COBLL1: variants seen among roughly 807,000 people sequenced by gnomAD.
COBLL1 encodes the protein cordon-bleu WH2 repeat protein like 1.
In COBLL1, 50 loss-of-function variants were observed where a neutral mutation model predicts 94.8. That is an observed-to-expected ratio of 0.53 (90% CI 0.42 to 0.67). The LOEUF (loss-of-function observed/expected upper bound fraction) is 0.67, where lower values mean the gene tolerates loss of function less well. COBLL1 is among the 30% of genes least tolerant of loss of function. The pLI is 0.00. For synonymous variants in COBLL1, 448 were observed against 473.8 expected, an observed-to-expected ratio of 0.95 and a Z score of 0.71; for missense variants, 1,362 against 1,348.7, an observed-to-expected ratio of 1.01 and a Z score of -0.15.
chr2:164,817,579 A>C (rs1325868919), intron 2 of COBLL1, among the ~76,000 whole-genome samples: 1 of 152,124 alleles, frequency 6.6e-6, no homozygotes, highest in Non-Finnish European at 1.5e-5. Flanking sequence ...CATTTAGAAT[A>C]TCTCTTCCTT....
In COBLL1 at chr2:164,685,805, A is replaced by T; in HGVS notation, c.*141T>A. 2 of 416,062 alleles carry T rather than the reference A, an allele frequency of 4.8e-6. No individual in the cohort carries two copies. Among genetic ancestry groups the T allele is most frequent in the Non-Finnish European group, 8.7e-6 (2 of 231,074 alleles). 25.8% of individuals were successfully genotyped at this position (416,062 alleles called of 1,614,324 possible). Reference sequence around the variant, plus strand: ...AAATTCTGGTAACTTTTCTTCTGGCATTAAAAGCCACAACACAAATTCTAA... The same window carrying T: ...AAATTCTGGTAACTTTTCTTCTGGCTTTAAAAGCCACAACACAAATTCTAA... On this transcript the variant is annotated 3_prime_UTR_variant, in exon 14 of 14. Coordinates refer to ENST00000652658, the MANE Select transcript of COBLL1 (RefSeq NM_001365672.2).
intron 3 of COBLL1, 30 bp downstream of exon 3, chr2:164,743,657 G>C: frequency 6.5e-7 from 1 of 1,544,346 alleles, no homozygotes; most frequent in Non-Finnish European, 9.0e-7. Context: ...AAGAAGGGGA[G>C]GTCCTGATAT....
At chr2:164,818,280 A>G (rs1246271067) in intron 2 of COBLL1, among the ~76,000 whole-genome samples, 2 of 148,628 alleles carry the variant, frequency 1.3e-5, no homozygotes, top group African/African-American at 2.5e-5. Flanking sequence ...ATGTATGTAT[A>G]CATATATGTA....
At chr2:164,779,237 T>C (rs1433036115) in intron 2 of COBLL1, among the ~76,000 whole-genome samples, 1 of 152,110 alleles carries the variant, frequency 6.6e-6, no homozygotes, top group East Asian at 1.9e-4. Flanking sequence ...GATCCAAACA[T>C]GTAAATATTA....
At chr2:164,760,679 GA>G (rs1433565405) in intron 2 of COBLL1, among the ~76,000 whole-genome samples, 1 of 152,086 alleles carries the variant, frequency 6.6e-6, no homozygotes, top group Non-Finnish European at 1.5e-5. Flanking sequence ...AAAGCTAGAA[GA>G]AGGGCACAGA....
rs560408105 is a variant in COBLL1 at position 164,810,150 on chromosome 2, C to T, written c.41+31006G>A. ...TATAATCATATGATTTTTTCATTACCTATAATTCTAGTAAAAAGAAACATC... is the reference window on the plus strand; with the variant it reads ...TATAATCATATGATTTTTTCATTACTTATAATTCTAGTAAAAAGAAACATC... On this transcript the variant is annotated intron_variant, in intron 2 of 13. Transcript: ENST00000652658. 2.0e-5 allele frequency among the ~76,000 whole-genome samples: 3 copies of T among 151,648 alleles called. No individual in the cohort carries two copies. The South Asian group carries it at 6.2e-4, about 32-fold the overall frequency.
At chr2:164,830,274 T>C (rs184802831) in intron 2 of COBLL1, among the ~76,000 whole-genome samples, 2 of 152,330 alleles carry the variant, frequency 1.3e-5, no homozygotes, top group African/African-American at 4.8e-5. Context: ...CTACCTTACC[T>C]ACGCTTTACA....
At chr2:164,726,915 A>G (rs1379008055) in intron 5 of COBLL1, among the ~76,000 whole-genome samples, 2 of 152,124 alleles carry the variant, frequency 1.3e-5, no homozygotes, top group Non-Finnish European at 2.9e-5. Context: ...AAATTATTAT[A>G]ATTAAATTCA....
intron 13 of COBLL1, among the ~76,000 whole-genome samples, chr2:164,686,980 G>A (rs575332683): frequency 6.6e-6 from 1 of 152,286 alleles, no homozygotes; most frequent in Non-Finnish European, 1.5e-5. Context: ...TGGCTTCCTT[G>A]CGCTTCGCTT....
intron 2 of COBLL1, among the ~76,000 whole-genome samples, chr2:164,818,388 A>G (rs1228300473): frequency 6.7e-6 from 1 of 149,834 alleles, no homozygotes; most frequent in Non-Finnish European, 1.5e-5. Flanking sequence ...GTGTGCATGT[A>G]CATATACATG....
intron 2 of COBLL1, among the ~76,000 whole-genome samples, chr2:164,818,332 A>ATGTATACATATACACGTG (rs1356412039): frequency 6.8e-6 from 1 of 146,190 alleles, no homozygotes; most frequent in Admixed American, 6.8e-5. Flanking sequence ...ATGTATACAT[A>ATGTATACATATACACGTG]TATGTATATA....
At chr2:164,671,065 T>C (rs959998961) in intron 1 of COBLL1, among the ~76,000 whole-genome samples, 2 of 152,152 alleles carry the variant, frequency 1.3e-5, no homozygotes, top group Non-Finnish European at 2.9e-5. Flanking sequence ...ATAGAGATGA[T>C]AAAACAGCAG....
chr2:164,710,295 T>C (rs1684820821), intron 7 of COBLL1, among the ~76,000 whole-genome samples: 1 of 152,074 alleles, frequency 6.6e-6, no homozygotes, highest in Admixed American at 6.5e-5. Context: ...AGAAGGGACA[T>C]TTAAGTTAGG....
intron 2 of COBLL1, among the ~76,000 whole-genome samples, chr2:164,770,485 G>A (rs929664021): frequency 3.9e-5 from 6 of 151,940 alleles, no homozygotes; most frequent in African/African-American, 1.5e-4. Context: ...TAAATCTTTT[G>A]AAACAAAGGA....
At chr2:164,747,462 A>G (rs762433551) in intron 2 of COBLL1, among the ~76,000 whole-genome samples, 6 of 152,148 alleles carry the variant, frequency 3.9e-5, no homozygotes, top group Non-Finnish European at 8.8e-5. Flanking sequence ...AGTAGGACAA[A>G]GCGCTACTTG....
chr2:164,704,858 T>A, intron 8 of COBLL1, 94 bp downstream of exon 8: 2 of 1,288,244 alleles, frequency 1.6e-6, no homozygotes, highest in South Asian at 3.3e-5. Flanking sequence ...TAAGTATTAT[T>A]TAAAAAGCAT....
intron 2 of COBLL1, among the ~76,000 whole-genome samples, chr2:164,804,021 T>A (rs1323180882): frequency 1.3e-5 from 2 of 150,848 alleles, no homozygotes; most frequent in Non-Finnish European, 2.9e-5. Flanking sequence ...GAGAGAAGTA[T>A]CTTTCAGGAA....
At chr2:164,734,987 T>A (rs1686222180) in intron 3 of COBLL1, among the ~76,000 whole-genome samples, 1 of 152,114 alleles carries the variant, frequency 6.6e-6, no homozygotes, top group South Asian at 2.1e-4. Flanking sequence ...GAGTTTACAA[T>A]GAGATTATAA....
At chr2:164,699,971 T>C (rs1684164078) in intron 10 of COBLL1, among the ~76,000 whole-genome samples, 1 of 152,194 alleles carries the variant, frequency 6.6e-6, no homozygotes, top group Admixed American at 6.5e-5. Context: ...GTCTGACATA[T>C]ATGGTTTATT....
Sources: gnomAD v4.1 joint callset for allele counts (sites outside exome capture counted in the v4.1 genomes callset) on GRCh38, gnomAD v4.1.1 for gene constraint, MANE v1.5 for transcripts, NCBI Gene and HGNC (gene_info 2026-07-23, HGNC 2026-07-21) for gene names.